The following PDE4D variants were observed in gnomAD, a reference collection of about 807,000 sequenced individuals.
PDE4D encodes 3',5'-cyclic-AMP phosphodiesterase 4D.
Under a neutral mutation model 87.4 loss-of-function variants are expected in PDE4D, and 24 were observed. The ratio of observed to expected loss-of-function variants is 0.27; its 90% CI spans 0.20 to 0.39. The LOEUF is 0.39. PDE4D is among the 10% of genes least tolerant of loss of function. PDE4D has a pLI of 1.00. For missense variants in PDE4D, 714 were observed against 1,041.0 expected (o/e 0.69, Z 4.32); for synonymous variants, 384 against 383.2 (o/e 1.00, Z -0.02).
intron 1 of PDE4D, among the ~76,000 whole-genome samples, chr5:60,249,473 T>A (rs948850924): frequency 1.4e-4 from 21 of 152,004 alleles, no homozygotes; most frequent in Non-Finnish European, 2.6e-4. Flanking sequence ...AAAATCATTT[T>A]CCAAGACACC....
At position 59,497,913 on chromosome 5, in the gene PDE4D, G is replaced by A. The variant is rs192708558; in HGVS notation, c.456-281945C>T. 3.9e-5 allele frequency among the ~76,000 whole-genome samples: 6 copies of A among 152,002 alleles called. No individual in the cohort carries two copies. The East Asian group carries it at 1.2e-3, about 29-fold the overall frequency. On this transcript the variant is annotated intron_variant, in intron 1 of 14. Transcript: ENST00000340635. ...TCAACGTGAAAGAAAAAAACTTAAC[G>A]GCAGCTAGAGAAAACAGTCATATCA... is the stretch of plus-strand genomic sequence containing the variant.
intron 2 of PDE4D, among the ~76,000 whole-genome samples, chr5:60,014,108 A>G (rs1765286375): frequency 6.6e-6 from 1 of 151,466 alleles, no homozygotes; most frequent in Non-Finnish European, 1.5e-5. Flanking sequence ...AAAAAAAAAA[A>G]AAAAAAGTCT....
intron 1 of PDE4D, among the ~76,000 whole-genome samples, chr5:59,597,964 A>C (rs910154639): frequency 1.9e-4 from 29 of 152,136 alleles, no homozygotes; most frequent in Non-Finnish European, 3.4e-4. Context: ...TAATTGGCAT[A>C]TTCCATTCCT....
At chr5:59,812,042 T>A (rs918292398) in intron 1 of PDE4D, among the ~76,000 whole-genome samples, 8 of 152,268 alleles carry the variant, frequency 5.3e-5, no homozygotes, top group African/African-American at 1.4e-4. Context: ...TACCCTCTCT[T>A]ATGTCCCAAC....
intron 1 of PDE4D, among the ~76,000 whole-genome samples, chr5:59,802,839 C>T (rs1455045179): frequency 6.6e-6 from 1 of 152,102 alleles, no homozygotes; most frequent in African/African-American, 2.4e-5. Context: ...ATTCAATAGT[C>T]CCTGCAGTGC....
Position 60,326,435 on chromosome 5 carries a change from T to C in PDE4D, c.-89-140748A>G, listed in dbSNP as rs183031245. ...ACTTGCCTAAAATCAGGGATAACAC[T>C]AGACACTTTAATTCAGCAACTTAAA... On this transcript the variant is annotated intron_variant, in intron 1 of 16. Transcript: ENST00000502484. Among the ~76,000 whole-genome samples the C allele has an allele frequency of 3.2e-3, 490 of 152,248 alleles. 3 individuals carry two copies. The highest frequency in any genetic ancestry group is 0.011 in the African/African-American group (454 of 41,582).
chr5:60,062,384 A>T (rs1235053855), intron 2 of PDE4D, among the ~76,000 whole-genome samples: 1 of 152,196 alleles, frequency 6.6e-6, no homozygotes, highest in Non-Finnish European at 1.5e-5. Flanking sequence ...ACCAGTCAGA[A>T]TGGCGCTTAT....
intron 1 of PDE4D, among the ~76,000 whole-genome samples, chr5:59,705,687 T>C (rs1408732702): frequency 6.6e-6 from 1 of 152,138 alleles, no homozygotes; most frequent in East Asian, 1.9e-4. Context: ...CTAATATTAA[T>C]AGTTCCATTT....
chr5:59,006,093 C>A lies in PDE4D; in HGVS notation c.922-12628G>T, dbSNP rs149718983. 2.0e-4 allele frequency among the ~76,000 whole-genome samples: 30 copies of A among 152,286 alleles called. No homozygotes were observed. The East Asian group carries it at 5.2e-3, about 26-fold the overall frequency. On this transcript the variant is annotated intron_variant, in intron 6 of 14. Coordinates refer to ENST00000340635, the MANE Select transcript of PDE4D (RefSeq NM_001104631.2). The stretch of plus-strand genomic sequence containing the variant: ...AACAACACACAGCTGCCCTCATATG[C>A]AGATGTAATGATGACGACACATTCA...
At chr5:60,509,240 A>G (rs548051814) in intron 1 of PDE4D, among the ~76,000 whole-genome samples, 4 of 152,176 alleles carry the variant, frequency 2.6e-5, no homozygotes, top group Admixed American at 2.6e-4. Context: ...ACCAGTGAAA[A>G]ACACAAGAAT....
intron 2 of PDE4D, among the ~76,000 whole-genome samples, chr5:60,004,010 A>C (rs1764253356): frequency 6.6e-6 from 1 of 152,206 alleles, no homozygotes. Flanking sequence ...ATATTTTATT[A>C]CATACAATAC....
chr5:59,059,611 G>A (rs1028107565), intron 5 of PDE4D, among the ~76,000 whole-genome samples: 14 of 152,104 alleles, frequency 9.2e-5, no homozygotes, highest in Non-Finnish European at 1.8e-4. Flanking sequence ...CAAATTGCAG[G>A]TGGAGATGCA....
intron 1 of PDE4D, among the ~76,000 whole-genome samples, chr5:60,429,120 A>C (rs6879253): frequency 0.027 from 4,170 of 152,270 alleles, 92 homozygotes; most frequent in Middle Eastern, 0.078. Flanking sequence ...TTCAGAGGAG[A>C]TTCTTCCTAT....
intron 5 of PDE4D, chr5:59,179,603 C>G (rs1316838329): frequency 2.4e-6 from 1 of 415,804 alleles, no homozygotes; most frequent in Non-Finnish European, 4.7e-6. Context: ...CCAGAATCAA[C>G]TCTAATGTGG....
At chr5:60,429,691 A>G (rs914850201) in intron 1 of PDE4D, among the ~76,000 whole-genome samples, 3 of 152,208 alleles carry the variant, frequency 2.0e-5, no homozygotes, top group African/African-American at 7.2e-5. Context: ...GAATTTTATC[A>G]AAAGCCTTTT....
chr5:59,303,684 A>G (rs539906231), intron 1 of PDE4D, among the ~76,000 whole-genome samples: 2 of 152,212 alleles, frequency 1.3e-5, no homozygotes, highest in South Asian at 2.1e-4. Flanking sequence ...TGCTTTGTTG[A>G]AGATCAGTTG....
intron 1 of PDE4D, among the ~76,000 whole-genome samples, chr5:59,416,318 T>C (rs1325657650): frequency 6.6e-6 from 1 of 152,186 alleles, no homozygotes; most frequent in African/African-American, 2.4e-5. Context: ...AAAGAGGACT[T>C]CTTGGATCTG....
intron 1 of PDE4D, among the ~76,000 whole-genome samples, chr5:59,219,249 G>GT (rs1268963557): frequency 6.6e-6 from 1 of 151,146 alleles, no homozygotes; most frequent in Non-Finnish European, 1.5e-5. Flanking sequence ...TTGAATTTCC[G>GT]TAACAAATCA....
intron 2 of PDE4D, among the ~76,000 whole-genome samples, chr5:60,064,950 A>T (rs768353528): frequency 2.0e-5 from 3 of 152,190 alleles, no homozygotes; most frequent in Non-Finnish European, 4.4e-5. Flanking sequence ...ACTGCAAAAG[A>T]GTAGGAACTG....
Sources: allele counts gnomAD v4.1 joint callset (sites outside exome capture counted in the v4.1 genomes callset), GRCh38; gene constraint gnomAD v4.1.1; transcripts MANE v1.5; gene names NCBI Gene and HGNC (gene_info 2026-07-23, HGNC 2026-07-21).